The following POLR1A variants were observed in gnomAD, a reference collection of about 807,000 sequenced individuals.
The protein encoded by POLR1A is RNA polymerase I subunit A.
POLR1A carries 84 observed loss-of-function variants against 205.3 expected under a neutral mutation model. That is an observed-to-expected ratio of 0.41 (90% confidence interval 0.34 to 0.49). POLR1A has a LOEUF of 0.49. Among genes scored for constraint, POLR1A ranks in the 20% least tolerant of loss-of-function variants. The pLI is 0.22. For missense variants in POLR1A, 1,645 were observed against 2,204.5 expected (o/e 0.75, Z 5.08); for synonymous variants, 799 against 863.7 (o/e 0.93, Z 1.31).
Position 86,031,379 on chromosome 2 carries a change from G to C in POLR1A, c.4529C>G (p.Pro1510Arg). 5 of 1,603,678 alleles carry C rather than the reference G, an allele frequency of 3.1e-6. No homozygotes were observed. The highest frequency in any genetic ancestry group is 4.3e-6 in the Non-Finnish European group (5 of 1,173,420). ...GTCGTACTGGTAGTCATCTATGAAC[G>C]GGTGGATCTCACGCACAGCCTGGAC... Reference protein sequence around the residue: ...RRVQAVREIHPFIDDYQYDTE... With the variant: ...RRVQAVREIHRFIDDYQYDTE... Residue 1510 changes from proline (P) to arginine (R), a missense_variant, in exon 30 of 34, where the codon CCG becomes CGG. Pro to Arg is a moderately radical substitution (Grantham distance 103, BLOSUM62 -2). Coordinates refer to ENST00000263857, the MANE Select transcript of POLR1A (RefSeq NM_015425.6).
At chr2:86,067,932 T>C (rs1352859807) in intron 13 of POLR1A, among the ~76,000 whole-genome samples, 2 of 152,238 alleles carry the variant, frequency 1.3e-5, no homozygotes, top group African/African-American at 4.8e-5. Flanking sequence ...ATAAGCTTTT[T>C]TCAATAAATT....
At chr2:86,065,489 A>G (rs369789841) in intron 13 of POLR1A, 24 bp from the exon 14 acceptor site, 5 of 1,593,712 alleles carry the variant, frequency 3.1e-6, no homozygotes, top group Middle Eastern at 1.7e-4. Flanking sequence ...CAGACAACAC[A>G]AGAAGAATGA....
At chr2:86,082,641 C>T (rs1442058962) in intron 7 of POLR1A, among the ~76,000 whole-genome samples, 4 of 151,922 alleles carry the variant, frequency 2.6e-5, no homozygotes, top group Admixed American at 2.0e-4. Flanking sequence ...CTCACAAGGG[C>T]TTGAATATAC....
chr2:86,030,516 C>T (rs377253139), intron 30 of POLR1A, 120 bp from the exon 31 acceptor site: 6 of 693,574 alleles, frequency 8.7e-6, no homozygotes, highest in Non-Finnish European at 1.5e-5. Flanking sequence ...AGTGGTCCTG[C>T]TGGGCAAGCC....
chr2:86,039,170 C>G (rs1672553750), intron 26 of POLR1A, among the ~76,000 whole-genome samples, 157 bp downstream of exon 26: 1 of 152,154 alleles, frequency 6.6e-6, no homozygotes, highest in South Asian at 2.1e-4. Flanking sequence ...GCTTCCTGAT[C>G]CATCTCTGCT....
chr2:86,027,598 G>A (rs1199504849), intron 33 of POLR1A, 75 bp from the exon 34 acceptor site: 4 of 1,292,010 alleles, frequency 3.1e-6, no homozygotes. Context: ...TTATGGGGCT[G>A]AACACTGAAG....
At chr2:86,064,372 G>A (rs530743628) in intron 14 of POLR1A, among the ~76,000 whole-genome samples, 1 of 152,308 alleles carries the variant, frequency 6.6e-6, no homozygotes, top group East Asian at 1.9e-4. Flanking sequence ...CCTTAAGGCT[G>A]AACTTGGATA....
rs1275411852 is a variant in POLR1A at position 86,023,680 on chromosome 2, A to C, written c.*3743T>G. On this transcript the variant is annotated 3_prime_UTR_variant, in exon 34 of 34. Transcript: ENST00000263857. ...ATGGGACAGCAGTTCCCCCAGAAAA[A>C]TTAAAGAATTACCATATGATCCAGC... 2 of 152,164 alleles carry C rather than the reference A, an allele frequency of 1.3e-5. No individual in the cohort carries two copies. The highest frequency in any genetic ancestry group is 2.9e-5 in the Non-Finnish European group (2 of 68,034). The allele number at this position is 152,164 out of a possible 1,614,324, so 9.4% of individuals were successfully genotyped here.
chr2:86,060,362 C>CT (rs144794187), intron 14 of POLR1A, among the ~76,000 whole-genome samples: 43 of 149,404 alleles, frequency 2.9e-4, no homozygotes, highest in African/African-American at 1.1e-3. Flanking sequence ...AGTTGACAGT[C>CT]TTTTTTTTTT....
chr2:86,067,722 GT>G (rs1250926184), intron 13 of POLR1A, among the ~76,000 whole-genome samples: 1 of 152,182 alleles, frequency 6.6e-6, no homozygotes, highest in African/African-American at 2.4e-5. Flanking sequence ...GGTTTTCCTA[GT>G]TTAACCAAAT....
intron 13 of POLR1A, among the ~76,000 whole-genome samples, chr2:86,066,145 C>T (rs1427592575): frequency 6.6e-6 from 1 of 152,142 alleles, no homozygotes; most frequent in Non-Finnish European, 1.5e-5. Flanking sequence ...GGCAGTTTCA[C>T]AGTTGAGGCC....
chr2:86,095,406 G>C (rs1454981016), intron 3 of POLR1A, among the ~76,000 whole-genome samples: 1 of 152,194 alleles, frequency 6.6e-6, no homozygotes, highest in Non-Finnish European at 1.5e-5. Flanking sequence ...TTTGCAGATA[G>C]GATTGTATTG....
intron 2 of POLR1A, 46 bp from the exon 3 acceptor site, chr2:86,098,806 A>G (rs760351263): frequency 1.1e-5 from 17 of 1,591,542 alleles, no homozygotes; most frequent in Non-Finnish European, 1.4e-5. Flanking sequence ...AAAGAGACAC[A>G]GTAGCCATGG....
At position 86,032,254 on chromosome 2, in the gene POLR1A, CCA is replaced by C. The variant is rs544790618; in HGVS notation, c.4272+16_4272+17del. On this transcript the variant is annotated intron_variant, in intron 29 of 33. Transcript: ENST00000263857. ...GGGCTGGGACCACAGCTCCTTCACCCCACACAGGGTCTCTCACCTCCTCCTCC... is the reference window on the plus strand; with the variant it reads ...GGGCTGGGACCACAGCTCCTTCACCCCACAGGGTCTCTCACCTCCTCCTCC... The C allele has an allele frequency of 7.6e-5, 117 of 1,533,722 alleles. 1 individual carries two copies. The Admixed American group carries it at 1.4e-3, about 18-fold the overall frequency.
intron 6 of POLR1A, among the ~76,000 whole-genome samples, chr2:86,088,044 T>C (rs1203473153): frequency 6.6e-6 from 1 of 151,830 alleles, no homozygotes; most frequent in Non-Finnish European, 1.5e-5. Flanking sequence ...AAAGTGGGAG[T>C]ATTAAGTTAT....
intron 27 of POLR1A, 80 bp from the exon 28 acceptor site, chr2:86,033,867 G>A: frequency 6.5e-7 from 1 of 1,537,254 alleles, no homozygotes; most frequent in Non-Finnish European, 8.8e-7. Flanking sequence ...ATAGGACGCT[G>A]AGGGATTCCC....
intron 12 of POLR1A, among the ~76,000 whole-genome samples, chr2:86,074,575 T>C (rs1423769135): frequency 6.6e-6 from 1 of 152,242 alleles, no homozygotes; most frequent in Admixed American, 6.5e-5. Context: ...CACAGCACTA[T>C]GGGCTAGCAT....
rs1300933144 is a variant in POLR1A, at chr2:86,020,232, GATTT to G, written c.*7187_*7190del. ...CAATAAACATGTGAAAAGATGCTTA[GATTT>G]ATTAATAGAGAATTGCAAACTGAAG... On this transcript the variant is annotated 3_prime_UTR_variant, in exon 34 of 34. Coordinates refer to ENST00000263857, the MANE Select transcript of POLR1A (RefSeq NM_015425.6). The G allele has an allele frequency of 6.6e-6, 1 of 152,164 alleles. No homozygotes were observed. Among genetic ancestry groups the G allele is most frequent in the Non-Finnish European group, 1.5e-5 (1 of 68,024 alleles). 9.4% of individuals were successfully genotyped at this position (152,164 alleles called of 1,614,324 possible).
chr2:86,073,705 C>G (rs1429459363), intron 12 of POLR1A, among the ~76,000 whole-genome samples: 1 of 152,242 alleles, frequency 6.6e-6, no homozygotes, highest in African/African-American at 2.4e-5. Flanking sequence ...GTGGTTCCCC[C>G]ACCATGCTGT....
Sources: gnomAD v4.1 joint callset for allele counts (sites outside exome capture counted in the v4.1 genomes callset) on GRCh38, gnomAD v4.1.1 for gene constraint, MANE v1.5 for transcripts, NCBI Gene and HGNC (gene_info 2026-07-23, HGNC 2026-07-21) for gene names.